The following CLDN17 variants were observed in gnomAD, a reference collection of about 807,000 sequenced individuals.
CLDN17 encodes claudin-17.
Under a neutral mutation model 0.1 loss-of-function variants are expected in CLDN17, and 1 was observed. The observed-to-expected ratio is 8.90, with a 90% confidence interval of 3.16 to 42.21. The LOEUF (loss-of-function observed/expected upper bound fraction) is 42.21, where lower values mean the gene tolerates loss of function less well. Among genes scored for constraint, CLDN17 ranks in the 30% most tolerant of loss-of-function variants. CLDN17 has a pLI of 0.11. For missense variants in CLDN17, 294 were observed against 274.9 expected (o/e 1.07, Z -0.49); for synonymous variants, 134 against 106.7 (o/e 1.26, Z -1.58).
chr21:30,166,644 TTCG>T lies in CLDN17; in HGVS notation c.-30_-28del, dbSNP rs1980857980. 2 of 1,573,390 alleles carry T rather than the reference TTCG, an allele frequency of 1.3e-6. No homozygotes were observed. Among genetic ancestry groups the T allele is most frequent in the Non-Finnish European group, 1.7e-6 (2 of 1,159,704 alleles). On this transcript the variant is annotated 5_prime_UTR_variant, in exon 1 of 1. Transcript: ENST00000286808. Reference sequence around the variant, plus strand: ...GCCTTTACTTTGAAGACTGGTTCAATTCGGAGTGGTAGAAGATGCTCAAGATGT... The same window carrying T: ...GCCTTTACTTTGAAGACTGGTTCAATGAGTGGTAGAAGATGCTCAAGATGT...
rs555547939 is a variant in CLDN17 at position 30,166,325 on chromosome 21, C to T, written c.293G>A (p.Gly98Asp). ...CTGGACCTGCTTCATGCCACAGATG[C>T]CAATAAGCAGGGCGATCAAGGAGAG... ...VALSLIALLI[G>D]ICGMKQVQCT... The change falls in exon 1 of 1, where the codon GGC becomes GAC. Residue 98 changes from glycine to aspartate, a missense_variant. Transcript: ENST00000286808. 44 of 1,614,146 alleles carry T rather than the reference C, an allele frequency of 2.7e-5. No individual in the cohort carries two copies. The East Asian group carries it at 8.0e-4, about 29-fold the overall frequency.
In CLDN17 at chr21:30,166,066, T is replaced by C. The variant is rs146427219; in HGVS notation, c.552A>G (p.Gly184=). ...GCTTCTTTCTGTTGCAGCAGCAAAA[T>C]CCACAAAGCAGACCCCCTCCAATGA... ...VLFIGGGLLC[G]FCCCNRKKQG... The change falls in exon 1 of 1, where the codon GGA becomes GGG. Residue 184 remains glycine, a synonymous_variant. Coordinates refer to ENST00000286808, the MANE Select transcript of CLDN17 (RefSeq NM_012131.3). The C allele has an allele frequency of 1.2e-3, 1,880 of 1,614,150 alleles. 2 individuals carry two copies. Among genetic ancestry groups the C allele is most frequent in the Non-Finnish European group, 1.5e-3 (1,773 of 1,180,032 alleles).
rs1424781934 is a variant in CLDN17 at position 30,166,519 on chromosome 21, T to C, written c.99A>G (p.Ser33=). ...ATTLLPQWRV[S]AFVGSNIIVF... ...CAATAATGTTGCTGCCAACAAAAGC[T>C]GATACTCTCCACTGAGGCAGAAGGG... Residue 33 remains serine (S), a synonymous_variant, in exon 1 of 1, where the codon TCA becomes TCG. Transcript: ENST00000286808. The C allele has an allele frequency of 1.2e-6, 2 of 1,614,024 alleles. No individual in the cohort carries two copies. Among genetic ancestry groups the C allele is most frequent in the African/African-American group, 1.3e-5 (1 of 74,928 alleles).
Position 30,166,369 on chromosome 21 carries a change from G to C in CLDN17, c.249C>G (p.Leu83=), listed in dbSNP as rs773878264. ...AGGAGAGAGCAACAGCCACACACAT[G>C]AGGGCCCGGGCTGTTTCCAGGGCAG... ...LPPALETARA[L]MCVAVALSLI... is the part of the protein sequence containing the mutation. The change falls in exon 1 of 1, where the codon CTC becomes CTG. Residue 83 remains leucine, a synonymous_variant. Transcript: ENST00000286808. 20 of 1,614,104 alleles carry C rather than the reference G, an allele frequency of 1.2e-5. No individual in the cohort carries two copies. In the Admixed American group the frequency reaches 1.3e-4, roughly 11 times the overall value.
In CLDN17 at chr21:30,166,721, C is replaced by T. The variant is rs1240037127; in HGVS notation, c.-104G>A. 3 of 1,025,678 alleles carry T rather than the reference C, an allele frequency of 2.9e-6. No individual in the cohort carries two copies. In the African/African-American group the frequency reaches 4.9e-5, roughly 17 times the overall value. The allele number at this position is 1,025,678 out of a possible 1,614,324, so 63.5% of individuals were successfully genotyped here. Reference sequence around the variant, plus strand: ...TAGAGAAGTCTTTGATGATGTTCTCCTTGGCTGCTGCCCATAACGTTTTAG... The same window carrying T: ...TAGAGAAGTCTTTGATGATGTTCTCTTTGGCTGCTGCCCATAACGTTTTAG... On this transcript the variant is annotated 5_prime_UTR_variant, in exon 1 of 1. Transcript: ENST00000286808.
In CLDN17 at chr21:30,166,232, G is replaced by A. The variant is rs371701865; in HGVS notation, c.386C>T (p.Thr129Met). 5.0e-6 allele frequency: 8 copies of A among 1,614,014 alleles called. No individual in the cohort carries two copies. In the East Asian group the frequency reaches 1.1e-4, roughly 22 times the overall value. The change falls in exon 1 of 1, where the codon ACG becomes ATG. Residue 129 changes from threonine (T) to methionine (M), a missense_variant. By Grantham distance (81) the Thr-to-Met change is moderately conservative (BLOSUM62 -1). Transcript: ENST00000286808. ...LGTSGVLFIL[T>M]GIFVLIPVSW... ...CACCGGAATCAGAACGAAGATGCCC[G>A]TCAGGATGAAGAGGACTCCTGAAGT...
chr21:30,165,997 T>C lies in CLDN17; in HGVS notation c.621A>G (p.Thr207=). 2 of 1,614,206 alleles carry C rather than the reference T, an allele frequency of 1.2e-6. No homozygotes were observed. The highest frequency in any genetic ancestry group is 1.7e-6 in the Non-Finnish European group (2 of 1,180,028). Residue 207 remains threonine, a synonymous_variant, in exon 1 of 1, where the codon ACA becomes ACG. Coordinates refer to ENST00000286808, the MANE Select transcript of CLDN17 (RefSeq NM_012131.3). ...GCATTGTCGTATTTCTTCGCTTATC[T>C]GTGTGTGGCACACGGTAGCCAGGCA... The part of the protein sequence containing the change: ...YPVPGYRVPH[T]DKRRNTTMLS...
At position 30,165,827 on chromosome 21, in the gene CLDN17, G is replaced by GT; in HGVS notation, c.*115dup. ...CCACCAGTAACAAATTGAAACTTTC[G>GT]TATCAATGTAAATCTAGACATAAAG... On this transcript the variant is annotated 3_prime_UTR_variant, in exon 1 of 1. Coordinates refer to ENST00000286808, the MANE Select transcript of CLDN17 (RefSeq NM_012131.3). 1.0e-6 allele frequency: 1 copy of GT among 964,772 alleles called. No homozygotes were observed. The allele number at this position is 964,772 out of a possible 1,614,324, so 59.8% of individuals were successfully genotyped here. A position where few individuals can be genotyped will look rare whatever the true frequency, so the allele number is the denominator to read the frequency against.
Position 30,166,498 on chromosome 21 carries a change from A to C in CLDN17, c.120T>G (p.Ile40Met). Reference protein sequence around the residue: ...WRVSAFVGSNIIVFERLWEGL... With the variant: ...WRVSAFVGSNMIVFERLWEGL... ...CTTCCCAGAGCCTCTCAAAGACAAT[A>C]ATGTTGCTGCCAACAAAAGCTGATA... Residue 40 changes from isoleucine to methionine, a missense_variant, in exon 1 of 1, where the codon ATT (isoleucine) becomes ATG (methionine). Transcript: ENST00000286808. 1.9e-6 allele frequency: 3 copies of C among 1,614,118 alleles called. No individual in the cohort carries two copies. The South Asian group carries it at 3.3e-5, about 18-fold the overall frequency.
In CLDN17 at chr21:30,165,877, AC is replaced by A. The variant is rs1980833051; in HGVS notation, c.*65del. 3.5e-6 allele frequency: 5 copies of A among 1,441,960 alleles called. No homozygotes were observed. Among genetic ancestry groups the A allele is most frequent in the Non-Finnish European group, 4.7e-6 (5 of 1,053,796 alleles). The allele number at this position is 1,441,960 out of a possible 1,614,324, so 89.3% of individuals were successfully genotyped here. A position where few individuals can be genotyped will look rare whatever the true frequency, so the allele number is the denominator to read the frequency against. On this transcript the variant is annotated 3_prime_UTR_variant, in exon 1 of 1. Coordinates refer to ENST00000286808, the MANE Select transcript of CLDN17 (RefSeq NM_012131.3). ...GCAAGTTCTCCTGCCTCACATACTT[AC>A]AGTTTCTAGCAGGACTTTATAAAAA... is the stretch of plus-strand genomic sequence containing the variant.
Position 30,166,155 on chromosome 21 carries a change from T to C in CLDN17, c.463A>G (p.Ile155Val), listed in dbSNP as rs746833230. 5.0e-6 allele frequency: 8 copies of C among 1,614,162 alleles called. No individual in the cohort carries two copies. Among genetic ancestry groups the C allele is most frequent in the South Asian group, 4.4e-5 (4 of 91,086 alleles). The part of the protein sequence containing the change: ...IRDFYNPAIH[I>V]GQKRELGAAL... Reference sequence around the variant, plus strand: ...GCTCCCAGCTCTCGTTTCTGACCTATGTGGATGGCTGGGTTGTAGAAATCT... The same window carrying C: ...GCTCCCAGCTCTCGTTTCTGACCTACGTGGATGGCTGGGTTGTAGAAATCT... The change falls in exon 1 of 1, where the codon ATA (isoleucine) becomes GTA (valine). Residue 155 changes from isoleucine (I) to valine (V), a missense_variant. Ile to Val is a conservative substitution (Grantham distance 29, BLOSUM62 3). Coordinates refer to ENST00000286808, the MANE Select transcript of CLDN17 (RefSeq NM_012131.3).
Position 30,166,338 on chromosome 21 carries a change from C to A in CLDN17, c.280G>T (p.Ala94Ser). Residue 94 changes from alanine (A) to serine (S), a missense_variant, in exon 1 of 1, where the codon GCC (alanine) becomes TCC (serine). Physicochemically the swap from Ala to Ser is moderately conservative, Grantham distance 99 (BLOSUM62 1). Transcript: ENST00000286808. ...MCVAVALSLI[A>S]LLIGICGMKQ... Reference sequence around the variant, plus strand: ...ATGCCACAGATGCCAATAAGCAGGGCGATCAAGGAGAGAGCAACAGCCACA... The same window carrying A: ...ATGCCACAGATGCCAATAAGCAGGGAGATCAAGGAGAGAGCAACAGCCACA... The A allele has an allele frequency of 3.7e-6, 6 of 1,614,072 alleles. No homozygotes were observed. The highest frequency in any genetic ancestry group is 1.7e-5 in the Admixed American group (1 of 60,016).
At position 30,166,418 on chromosome 21, in the gene CLDN17, T is replaced by C. The variant is rs748470055; in HGVS notation, c.200A>G (p.Tyr67Cys). ...QARVRLQCKFYSSLLALPPAL... is the reference protein window; with the variant it reads ...QARVRLQCKFCSSLLALPPAL... Reference sequence around the variant, plus strand: ...AGGCGGGAGAGCCAACAAGGAGCTATAGAACTTGCATTGCAACCGGACCCT... The same window carrying C: ...AGGCGGGAGAGCCAACAAGGAGCTACAGAACTTGCATTGCAACCGGACCCT... The change falls in exon 1 of 1, where the codon TAT becomes TGT. Residue 67 changes from tyrosine (Y) to cysteine (C), a missense_variant. Tyr to Cys is a radical substitution (Grantham distance 194). Transcript: ENST00000286808. 1.9e-5 allele frequency: 31 copies of C among 1,614,084 alleles called. 1 individual carries two copies. The South Asian group carries it at 3.2e-4, about 17-fold the overall frequency.
In CLDN17 at chr21:30,166,666, A is replaced by C; in HGVS notation, c.-49T>G. 4.0e-6 allele frequency: 6 copies of C among 1,507,438 alleles called. No homozygotes were observed. The highest frequency in any genetic ancestry group is 5.4e-6 in the Non-Finnish European group (6 of 1,114,064). The allele number at this position is 1,507,438 out of a possible 1,614,324, so 93.4% of individuals were successfully genotyped here. A position where few individuals can be genotyped will look rare whatever the true frequency, so the allele number is the denominator to read the frequency against. On this transcript the variant is annotated 5_prime_UTR_variant, in exon 1 of 1. Transcript: ENST00000286808. ...CAATTCGGAGTGGTAGAAGATGCTC[A>C]AGATGTAGAACGTGGAAGCCTTTTG...
rs1213048178 is a variant in CLDN17, at chr21:30,165,991, C to T, written c.627G>A (p.Lys209=). The T allele has an allele frequency of 6.2e-7, 1 of 1,614,174 alleles. No homozygotes were observed. The highest frequency in any genetic ancestry group is 2.2e-5 in the East Asian group (1 of 44,868). Residue 209 remains lysine (K), a synonymous_variant, in exon 1 of 1, where the codon AAG becomes AAA. Transcript: ENST00000286808. The part of the protein sequence containing the change: ...VPGYRVPHTD[K]RRNTTMLSKT... ...TACTAAGCATTGTCGTATTTCTTCG[C>T]TTATCTGTGTGTGGCACACGGTAGC... is the stretch of plus-strand genomic sequence containing the variant.
rs1980829582 is a variant in CLDN17 at position 30,165,769 on chromosome 21, T to G, written c.*174A>C. Reference sequence around the variant, plus strand: ...GTCAATGCATTTAATACACCTGAAGTCAGAATGTCCAAGTAAGTCATTTTC... The same window carrying G: ...GTCAATGCATTTAATACACCTGAAGGCAGAATGTCCAAGTAAGTCATTTTC... On this transcript the variant is annotated 3_prime_UTR_variant, in exon 1 of 1. Transcript: ENST00000286808. The G allele has an allele frequency of 1.6e-6, 1 of 639,308 alleles. No individual in the cohort carries two copies. 39.6% of individuals were successfully genotyped at this position (639,308 alleles called of 1,614,324 possible). A position where few individuals can be genotyped will look rare whatever the true frequency, so the allele number is the denominator to read the frequency against.
Position 30,165,650 on chromosome 21 carries a change from T to A in CLDN17, c.*293A>T. ...CAGATAATACATGATGGTCAAAAAG[T>A]AATAAGTAGTCCATCATTGTACACT... On this transcript the variant is annotated 3_prime_UTR_variant, in exon 1 of 1. Coordinates refer to ENST00000286808, the MANE Select transcript of CLDN17 (RefSeq NM_012131.3). 2.3e-6 allele frequency: 1 copy of A among 435,046 alleles called. No individual in the cohort carries two copies. The highest frequency in any genetic ancestry group is 4.1e-6 in the Non-Finnish European group (1 of 243,968). The allele number at this position is 435,046 out of a possible 1,614,324, so 26.9% of individuals were successfully genotyped here.
Position 30,166,243 on chromosome 21 carries a change from G to A in CLDN17, c.375C>T (p.Leu125=). 6.2e-7 allele frequency: 1 copy of A among 1,614,166 alleles called. No individual in the cohort carries two copies. The highest frequency in any genetic ancestry group is 1.1e-5 in the South Asian group (1 of 91,076). Residue 125 remains leucine (L), a synonymous_variant, in exon 1 of 1, where the codon CTC becomes CTT. Coordinates refer to ENST00000286808, the MANE Select transcript of CLDN17 (RefSeq NM_012131.3). The part of the protein sequence containing the change: ...KAYLLGTSGV[L]FILTGIFVLI... Reference sequence around the variant, plus strand: ...GAACGAAGATGCCCGTCAGGATGAAGAGGACTCCTGAAGTTCCCAGAAGGT... The same window carrying A: ...GAACGAAGATGCCCGTCAGGATGAAAAGGACTCCTGAAGTTCCCAGAAGGT...
In CLDN17 at chr21:30,166,075, CAGACCCCCTCCAATGA is replaced by C; in HGVS notation, c.527_542del (p.Phe176CysfsTer70). ...TGTTGCAGCAGCAAAATCCACAAAG[CAGACCCCCTCCAATGA>C]AGAGGACAGCAGCGCTTGCCCAGCC... On this transcript the variant is annotated frameshift_variant, in exon 1 of 1. Coordinates refer to ENST00000286808, the MANE Select transcript of CLDN17 (RefSeq NM_012131.3). LOFTEE classifies it low-confidence loss of function (END_TRUNC). The C allele has an allele frequency of 6.2e-7, 1 of 1,614,188 alleles. No individual in the cohort carries two copies.
Sources: allele counts gnomAD v4.1 joint callset, GRCh38; gene constraint gnomAD v4.1.1; transcripts MANE v1.5; gene names NCBI Gene and HGNC (gene_info 2026-07-23, HGNC 2026-07-21).